Variants in SLC14A2 observed in about 807,000 individuals in gnomAD.
The protein encoded by SLC14A2 is urea transporter 2.
In SLC14A2, 91 loss-of-function variants were observed where a neutral mutation model predicts 104.6. That is an observed-to-expected ratio of 0.87 (90% confidence interval 0.73 to 1.04). The LOEUF is 1.04. Ranked by LOEUF, SLC14A2 falls within the 50% of genes least tolerant of loss-of-function variation. The probability of loss-of-function intolerance (pLI) is 0.00; values close to 1 mark genes in which losing one functional copy is unlikely to be tolerated. For missense variants in SLC14A2, 1,189 were observed against 1,156.0 expected (o/e 1.03, Z -0.41); for synonymous variants, 476 against 466.4 (o/e 1.02, Z -0.27).
At chr18:45,380,784 A>G (rs1418557404) in intron 1 of SLC14A2, among the ~76,000 whole-genome samples, 1 of 152,228 alleles carries the variant, frequency 6.6e-6, no homozygotes, top group Non-Finnish European at 1.5e-5. Flanking sequence ...CGAGTGCCAG[A>G]CCAGCTTTTG....
At chr18:45,395,435 A>G (rs981605846) in intron 1 of SLC14A2, among the ~76,000 whole-genome samples, 1 of 152,214 alleles carries the variant, frequency 6.6e-6, no homozygotes, top group Non-Finnish European at 1.5e-5. Context: ...GGTATAGAAT[A>G]TCAGTCATGC....
upstream of SLC14A2, among the ~76,000 whole-genome samples, chr18:45,209,027 T>TA (rs199687506): frequency 1.3e-3 from 187 of 144,366 alleles, no homozygotes; most frequent in African/African-American, 3.6e-3. Context: ...AACAGGCATT[T>TA]AAAAAAAAAA....
At chr18:45,673,123 T>C in intron 17 of SLC14A2, 76 bp downstream of exon 17, 1 of 1,333,542 alleles carries the variant, frequency 7.5e-7, no homozygotes, top group Admixed American at 1.9e-5. Context: ...GTGACTCTCA[T>C]CTTCAACACT....
chr18:45,592,221 C>T (rs2044657890), intron 2 of SLC14A2, among the ~76,000 whole-genome samples: 2 of 151,978 alleles, frequency 1.3e-5, no homozygotes, highest in South Asian at 4.1e-4. Context: ...TTTTCTGTTT[C>T]ATTTTTTTTA....
chr18:45,439,953 C>T (rs2086657196), intron 1 of SLC14A2, among the ~76,000 whole-genome samples: 1 of 152,196 alleles, frequency 6.6e-6, no homozygotes, highest in Non-Finnish European at 1.5e-5. Flanking sequence ...AGTAATTCAG[C>T]ATTGGAAAGC....
intron 2 of SLC14A2, among the ~76,000 whole-genome samples, chr18:45,542,796 G>A (rs150730607): frequency 2.6e-5 from 4 of 152,242 alleles, no homozygotes; most frequent in East Asian, 3.9e-4. Flanking sequence ...AGAGGCTGAC[G>A]AGTATCCACC....
At chr18:45,517,644 G>A (rs532799619) in intron 2 of SLC14A2, among the ~76,000 whole-genome samples, 44 of 152,302 alleles carry the variant, frequency 2.9e-4, no homozygotes, top group South Asian at 1.0e-3. Context: ...CTCACCCGGC[G>A]GTGAAGGCGG....
intron 1 of SLC14A2, among the ~76,000 whole-genome samples, chr18:45,327,037 T>TCCAG (rs992516453): frequency 4.6e-5 from 7 of 151,320 alleles, no homozygotes; most frequent in Non-Finnish European, 8.9e-5. Flanking sequence ...TCTCCATCCA[T>TCCAG]CCATCCAGCC....
rs142066769 is a variant in SLC14A2 at position 45,346,812 on chromosome 18, G to A, written c.-125+133621G>A. ...CCCCATCTTGACTAAAAACACAACA[G>A]TTAGCCTGGCGTGGTGGCGGGCACC... On this transcript the variant is annotated intron_variant, in intron 1 of 20. Coordinates refer to the SLC14A2 transcript ENST00000586448. Among the ~76,000 whole-genome samples, 842 of 151,798 alleles carry A rather than the reference G, an allele frequency of 5.5e-3. 9 individuals carry two copies. The highest frequency in any genetic ancestry group is 0.019 in the African/African-American group (802 of 41,416).
At chr18:45,268,721 T>C (rs2084618781) in intron 1 of SLC14A2, among the ~76,000 whole-genome samples, 2 of 152,124 alleles carry the variant, frequency 1.3e-5, no homozygotes, top group African/African-American at 2.4e-5. Context: ...ATTTCATCTG[T>C]TGAATGGAGA....
chr18:45,592,342 G>A (rs1219214301), intron 2 of SLC14A2, among the ~76,000 whole-genome samples: 1 of 151,940 alleles, frequency 6.6e-6, no homozygotes, highest in Non-Finnish European at 1.5e-5. Flanking sequence ...CAACTCTCTG[G>A]ATGTCTCAGT....
At chr18:45,562,368 T>G (rs2044212488) in intron 2 of SLC14A2, among the ~76,000 whole-genome samples, 1 of 152,228 alleles carries the variant, frequency 6.6e-6, no homozygotes, top group African/African-American at 2.4e-5. Flanking sequence ...GATATGGGTC[T>G]TATCAGGAAA....
At chr18:45,245,078 C>T (rs1021880746) in intron 1 of SLC14A2, among the ~76,000 whole-genome samples, 11 of 152,300 alleles carry the variant, frequency 7.2e-5, no homozygotes, top group East Asian at 1.9e-4. Context: ...ATGAAGGGTG[C>T]CTCTCTCAAA....
intron 2 of SLC14A2, among the ~76,000 whole-genome samples, chr18:45,569,074 G>A (rs913678099): frequency 2.0e-5 from 3 of 152,154 alleles, no homozygotes; most frequent in East Asian, 1.9e-4. Context: ...ATTAGGTACC[G>A]ATTCTAGCCT....
At chr18:45,314,189 G>A (rs1039249744) in intron 1 of SLC14A2, among the ~76,000 whole-genome samples, 4 of 152,154 alleles carry the variant, frequency 2.6e-5, no homozygotes, top group South Asian at 2.1e-4. Flanking sequence ...TGATCATGAG[G>A]GTGACTGGTG....
intron 1 of SLC14A2, among the ~76,000 whole-genome samples, chr18:45,229,066 T>C (rs1428633075): frequency 6.6e-6 from 1 of 152,208 alleles, no homozygotes; most frequent in African/African-American, 2.4e-5. Context: ...GTTTACCATG[T>C]GTATGTTTCC....
At chr18:45,452,210 T>C (rs1234074896) in intron 1 of SLC14A2, among the ~76,000 whole-genome samples, 1 of 152,208 alleles carries the variant, frequency 6.6e-6, no homozygotes, top group Non-Finnish European at 1.5e-5. Flanking sequence ...CAGAGATGCC[T>C]GCATTTGAAT....
intron 1 of SLC14A2, among the ~76,000 whole-genome samples, chr18:45,462,250 G>C (rs964877392): frequency 4.6e-5 from 7 of 152,082 alleles, no homozygotes; most frequent in Non-Finnish European, 1.0e-4. Flanking sequence ...CTCTTCAACT[G>C]TCCCCCATAA....
At chr18:45,201,282 T>G in the SLC14A2 span, among the ~76,000 whole-genome samples, 3 of 152,164 alleles carry the variant, frequency 2.0e-5, no homozygotes, top group East Asian at 5.8e-4. Context: ...AGTAGTCATT[T>G]TAGCCAGCCC....
Sources: allele counts gnomAD v4.1 joint callset (sites outside exome capture counted in the v4.1 genomes callset), GRCh38; gene constraint gnomAD v4.1.1; transcripts MANE v1.5; gene names NCBI Gene and HGNC (gene_info 2026-07-23, HGNC 2026-07-21).